SAP130: variants seen among roughly 807,000 people sequenced by gnomAD.
SAP130 encodes Sin3A associated protein 130.
In SAP130, 16 loss-of-function variants were observed where a neutral mutation model predicts 103.2. The ratio of observed to expected loss-of-function variants is 0.16; its 90% CI spans 0.10 to 0.24. The LOEUF (loss-of-function observed/expected upper bound fraction) is 0.24. Ranked by LOEUF, SAP130 falls within the 10% of genes least tolerant of loss-of-function variation. The pLI is 1.00. For synonymous variants in SAP130, 477 were observed against 497.0 expected, an observed-to-expected ratio of 0.96 and a Z score of 0.53; for missense variants, 990 against 1,359.7, an observed-to-expected ratio of 0.73 and a Z score of 4.28.
chr2:128,027,045 G>T, intron 1 of SAP130: 3 of 1,376,842 alleles, frequency 2.2e-6, no homozygotes, highest in South Asian at 1.9e-5. Flanking sequence ...GGGTGCGGAC[G>T]GGCGATCTGG....
intron 1 of SAP130, chr2:128,027,073 G>T: frequency 7.0e-7 from 1 of 1,436,144 alleles, no homozygotes; most frequent in East Asian, 2.8e-5. Context: ...ACCACAAGAC[G>T]AGCACTGTGC....
In SAP130 at chr2:127,986,936, T is replaced by C. The variant is rs1157028786; in HGVS notation, c.1807A>G (p.Ile603Val). 1.1e-5 allele frequency: 17 copies of C among 1,613,648 alleles called. No homozygotes were observed. Among genetic ancestry groups the C allele is most frequent in the Admixed American group, 3.3e-5 (2 of 60,012 alleles). The stretch of plus-strand genomic sequence containing the variant: ...GGATTGCTAATAGGGTTGGCCACAA[T>C]TGTGGCTCCATCTGCCAACACCACT... ...SAVVLADGAT[I>V]VANPISNPFS... The change falls in exon 14 of 21, where the codon ATT becomes GTT. Residue 603 changes from isoleucine (I) to valine (V), a missense_variant. Ile to Val is a conservative substitution (Grantham distance 29). Around this residue, in one of 6 missense-constraint regions of SAP130, gnomAD observed 349 missense variants for 384.1 expected, o/e 0.91. Coordinates refer to ENST00000643581, the MANE Select transcript of SAP130 (RefSeq NM_001330301.2). This position sits in a 1 kb window ranked among gnomAD's most constrained non-coding sequence, Gnocchi z 4.7.
chr2:127,957,978 C>T (rs1301172657), intron 15 of SAP130, among the ~76,000 whole-genome samples: 1 of 152,040 alleles, frequency 6.6e-6, no homozygotes, highest in East Asian at 1.9e-4. Flanking sequence ...TTCCCTGTAC[C>T]GACCAATACA....
At chr2:128,011,405 C>A (rs1016839067) in intron 6 of SAP130, among the ~76,000 whole-genome samples, 2 of 152,200 alleles carry the variant, frequency 1.3e-5, no homozygotes, top group African/African-American at 4.8e-5. Context: ...TCTTCCCTTG[C>A]TCTTAACCCT....
chr2:127,942,220 T>A lies in SAP130; in HGVS notation c.3016-56A>T. ...GTGACCATGAGGATAGTACAGCTTT[T>A]AAAAAACTGCTTGCCTTTGGGCAGA... On this transcript the variant is annotated intron_variant, in intron 20 of 20. Transcript: ENST00000643581. This position sits in a 1 kb window ranked among gnomAD's most constrained non-coding sequence, Gnocchi z 4.8. 1 of 1,497,468 alleles carries A rather than the reference T, an allele frequency of 6.7e-7. No homozygotes were observed. The highest frequency in any genetic ancestry group is 9.0e-7 in the Non-Finnish European group (1 of 1,108,454). 92.8% of individuals were successfully genotyped at this position (1,497,468 alleles called of 1,614,324 possible).
chr2:128,019,811 C>T (rs901412902), intron 2 of SAP130, among the ~76,000 whole-genome samples: 12 of 151,568 alleles, frequency 7.9e-5, no homozygotes, highest in Non-Finnish European at 1.5e-4. Flanking sequence ...TGCTTGAGCC[C>T]GGGAGGTGGA....
intron 18 of SAP130, 117 bp from the exon 19 acceptor site, chr2:127,945,676 A>T (rs1679029247): frequency 1.5e-6 from 1 of 657,352 alleles, no homozygotes; most frequent in Non-Finnish European, 2.6e-6. Flanking sequence ...TTTTTGAGAC[A>T]GTGTCTGGCT....
At chr2:128,016,622 G>A (rs1573843526) in intron 3 of SAP130, 75 bp from the exon 4 acceptor site, 1 of 1,479,452 alleles carries the variant, frequency 6.8e-7, no homozygotes, top group East Asian at 2.3e-5. Flanking sequence ...AATTAAGAGT[G>A]CACAAATCGA....
At chr2:128,010,172 C>T (rs1344040070) in intron 7 of SAP130, 97 bp downstream of exon 7, 2 of 1,329,866 alleles carry the variant, frequency 1.5e-6, no homozygotes, top group Non-Finnish European at 2.0e-6. Context: ...AAAAAAAAGC[C>T]ACTCAATAAA....
At chr2:128,020,797 A>G (rs1685099471) in intron 2 of SAP130, among the ~76,000 whole-genome samples, 1 of 151,658 alleles carries the variant, frequency 6.6e-6, no homozygotes, top group South Asian at 2.1e-4. Context: ...TCAGGAGTTC[A>G]AGACCATCAT....
At chr2:127,946,956 A>G (rs1679125296) in intron 18 of SAP130, among the ~76,000 whole-genome samples, 1 of 147,800 alleles carries the variant, frequency 6.8e-6, no homozygotes, top group African/African-American at 2.5e-5. Context: ...AAATCCAATG[A>G]CTGGTGTCCA....
chr2:128,026,653 C>T (rs543039716), intron 1 of SAP130, among the ~76,000 whole-genome samples: 1 of 152,340 alleles, frequency 6.6e-6, no homozygotes, highest in South Asian at 2.1e-4. Flanking sequence ...TGGCATGTCT[C>T]TTTGAAACAC....
chr2:127,973,591 T>A (rs1334340691), intron 15 of SAP130, among the ~76,000 whole-genome samples: 1 of 152,190 alleles, frequency 6.6e-6, no homozygotes, highest in Non-Finnish European at 1.5e-5. Flanking sequence ...GGGTATCCAA[T>A]CATCTAGATA....
At chr2:128,010,579 C>T (rs1684321414) in intron 6 of SAP130, among the ~76,000 whole-genome samples, 186 bp from the exon 7 acceptor site, 1 of 152,130 alleles carries the variant, frequency 6.6e-6, no homozygotes, top group Non-Finnish European at 1.5e-5. Context: ...AAGAGCCAGG[C>T]CGGGCACGGT....
Position 127,941,945 on chromosome 2 carries a change from T to TCCCCCCCC in SAP130, c.*60_*61insGGGGGGGG. 1.1e-5 allele frequency: 2 copies of TCCCCCCCC among 187,870 alleles called. No individual in the cohort carries two copies. The highest frequency in any genetic ancestry group is 2.0e-5 in the Non-Finnish European group (2 of 99,934). The allele number at this position is 187,870 out of a possible 1,614,324, so 11.6% of individuals were successfully genotyped here. A position where few individuals can be genotyped will look rare whatever the true frequency, so the allele number is the denominator to read the frequency against. Reference sequence around the variant, plus strand: ...TCCACTTTGGAAAAAACCAAAACCCTCCCCCCACCCCCACCATCATTCTTC... The same window carrying TCCCCCCCC: ...TCCACTTTGGAAAAAACCAAAACCCTCCCCCCCCCCCCCCACCCCCACCATCATTCTTC... On this transcript the variant is annotated 3_prime_UTR_variant, in exon 21 of 21. Coordinates refer to ENST00000643581, the MANE Select transcript of SAP130 (RefSeq NM_001330301.2).
In SAP130 at chr2:127,997,323, A is replaced by G. The variant is rs1683243431; in HGVS notation, c.1214-832T>C. ...AGTATGCCTGGGAATTCAGAAAGAA[A>G]AGCCATGATCTATATCAGAAATATA... On this transcript the variant is annotated intron_variant, in intron 10 of 20. Coordinates refer to ENST00000643581, the MANE Select transcript of SAP130 (RefSeq NM_001330301.2). Among the ~76,000 whole-genome samples, 6 of 152,372 alleles carry G rather than the reference A, an allele frequency of 3.9e-5. No homozygotes were observed. The South Asian group carries it at 1.2e-3, about 32-fold the overall frequency.
At chr2:127,972,009 G>A (rs1408753598) in intron 15 of SAP130, among the ~76,000 whole-genome samples, 1 of 152,194 alleles carries the variant, frequency 6.6e-6, no homozygotes, top group Non-Finnish European at 1.5e-5. Flanking sequence ...TTACTTGGGT[G>A]TGGGAGTGTG....
chr2:127,958,668 GA>G (rs1376171303), intron 15 of SAP130, among the ~76,000 whole-genome samples: 3 of 145,318 alleles, frequency 2.1e-5, no homozygotes. Flanking sequence ...GAGAGAGAGA[GA>G]GAGAGAGAGA....
chr2:127,947,007 G>A (rs1441328970), intron 18 of SAP130, among the ~76,000 whole-genome samples: 3 of 150,074 alleles, frequency 2.0e-5, no homozygotes, highest in East Asian at 2.0e-4. Flanking sequence ...GAGAGAGAGA[G>A]AAAAGGAAGG....
Sources: allele counts gnomAD v4.1 joint callset (sites outside exome capture counted in the v4.1 genomes callset), GRCh38; gene constraint gnomAD v4.1.1; regional missense constraint gnomAD v4.1.1; non-coding constraint Gnocchi (gnomAD v3.1); transcripts MANE v1.5; gene names NCBI Gene and HGNC (gene_info 2026-07-23, HGNC 2026-07-21).